PRKAA1: variants seen among roughly 807,000 people sequenced by gnomAD.
PRKAA1 encodes the protein protein kinase AMP-activated catalytic subunit alpha 1, also known as 5'-AMP-activated protein kinase catalytic subunit alpha-1.
In PRKAA1, 23 loss-of-function variants were observed where a neutral mutation model predicts 56.9. The observed-to-expected ratio is 0.40, with a 90% CI of 0.29 to 0.57. PRKAA1 has a LOEUF of 0.57. PRKAA1 is among the 20% of genes least tolerant of loss of function. The pLI is 0.39. For missense variants in PRKAA1, 413 were observed against 679.7 expected (o/e 0.61, Z 4.36); for synonymous variants, 226 against 227.0 (o/e 1.00, Z 0.04).
chr5:40,769,878 TA>T (rs3071208), intron 4 of PRKAA1, among the ~76,000 whole-genome samples: 7,725 of 109,832 alleles, frequency 0.07, 187 homozygotes, highest in Non-Finnish European at 0.087. Flanking sequence ...TCTGATTCTT[TA>T]AAAAAAAAAA....
chr5:40,776,336 G>A (rs1311438645), intron 2 of PRKAA1, among the ~76,000 whole-genome samples: 1 of 152,256 alleles, frequency 6.6e-6, no homozygotes, highest in African/African-American at 2.4e-5. Context: ...TGAAAACTGT[G>A]GGAAGAGCAG....
At chr5:40,777,661 C>T in intron 1 of PRKAA1, 75 bp from the exon 2 acceptor site, 3 of 1,386,340 alleles carry the variant, frequency 2.2e-6, no homozygotes, top group Non-Finnish European at 2.9e-6. Flanking sequence ...TGGCCCGGTG[C>T]AGTGGCTCAT....
intron 3 of PRKAA1, among the ~76,000 whole-genome samples, chr5:40,774,697 T>C (rs1353200027): frequency 6.6e-6 from 1 of 152,006 alleles, no homozygotes; most frequent in Non-Finnish European, 1.5e-5. Context: ...ACATGCTATA[T>C]AGAACAAATG....
In PRKAA1 at chr5:40,767,053, T is replaced by C. The variant is rs140534203; in HGVS notation, c.821+413A>G. On this transcript the variant is annotated intron_variant, in intron 6 of 8. Coordinates refer to ENST00000397128, the MANE Select transcript of PRKAA1 (RefSeq NM_006251.6). ...AATAAATAAAAATAAAAGATATACA[T>C]ATATATGGGGCCTCGCTATGTTACC... Among the ~76,000 whole-genome samples, 636 of 151,984 alleles carry C rather than the reference T, an allele frequency of 4.2e-3. 4 individuals are homozygous for C. Among genetic ancestry groups the C allele is most frequent in the African/African-American group, 0.015 (610 of 41,482 alleles).
At chr5:40,777,340 GAAA>G in intron 2 of PRKAA1, 102 bp downstream of exon 2, 1 of 1,314,000 alleles carries the variant, frequency 7.6e-7, no homozygotes, top group Admixed American at 2.2e-5. Context: ...AAACCCTTAG[GAAA>G]CAAAAAGAAG....
rs1743958609 is a variant in PRKAA1, at chr5:40,775,481, A to T, written c.292T>A (p.Ser98Thr). 1 of 1,604,784 alleles carries T rather than the reference A, an allele frequency of 6.2e-7. No individual in the cohort carries two copies. Among genetic ancestry groups the T allele is most frequent in the Admixed American group, 1.7e-5 (1 of 59,994 alleles). ...IKLYQVISTP[S>T]DIFMVMEYVS... Reference sequence around the variant, plus strand: ...TATTCCATCACCATGAAAATATCAGATGGTGTACTGATGACCTGGTACCTG... The same window carrying T: ...TATTCCATCACCATGAAAATATCAGTTGGTGTACTGATGACCTGGTACCTG... The change falls in exon 3 of 9, where the codon TCT (serine) becomes ACT (threonine). Residue 98 changes from serine to threonine, a missense_variant. By Grantham distance (58) the Ser-to-Thr change is moderately conservative (BLOSUM62 1). Coordinates refer to ENST00000397128, the MANE Select transcript of PRKAA1 (RefSeq NM_006251.6).
intron 5 of PRKAA1, chr5:40,768,533 TA>T (rs1056117140): frequency 1.8e-5 from 18 of 974,720 alleles, no homozygotes; most frequent in African/African-American, 1.0e-4. Context: ...AGTTAATATT[TA>T]AAAAAAAGAT....
chr5:40,777,300 AC>A, intron 2 of PRKAA1, 144 bp downstream of exon 2: 1 of 853,944 alleles, frequency 1.2e-6, no homozygotes, highest in Non-Finnish European at 1.8e-6. Flanking sequence ...GGTGTGAGCC[AC>A]CGCACACAGC....
At position 40,765,210 on chromosome 5, in the gene PRKAA1, G is replaced by A. The variant is rs1561166883; in HGVS notation, c.850C>T (p.Pro284Ser). 3 of 1,613,716 alleles carry A rather than the reference G, an allele frequency of 1.9e-6. No homozygotes were observed. Among genetic ancestry groups the A allele is most frequent in the Non-Finnish European group, 2.5e-6 (3 of 1,179,740 alleles). ...REHEWFKQDL[P>S]KYLFPEDPSY... ...GGATCCTCAGGAAAGAGATATTTTG[G>A]AAGGTCCTGTTTAAACCATTCATGT... Residue 284 changes from proline to serine, a missense_variant, in exon 7 of 9, where the codon CCA becomes TCA. Transcript: ENST00000397128.
rs1303999528 is a variant in PRKAA1 at position 40,760,136 on chromosome 5, T to TA, written c.*2641dup. 1 of 152,752 alleles carries TA rather than the reference T, an allele frequency of 6.5e-6. No homozygotes were observed. Among genetic ancestry groups the TA allele is most frequent in the Non-Finnish European group, 1.5e-5 (1 of 68,024 alleles). The allele number at this position is 152,752 out of a possible 1,614,324, so 9.5% of individuals were successfully genotyped here. A position where few individuals can be genotyped will look rare whatever the true frequency, so the allele number is the denominator to read the frequency against. ...TAAAAATCATTTGCATTGCCTCCCT[T>TA]ACCTCTTCAATATTAGTAACAATTT... On this transcript the variant is annotated 3_prime_UTR_variant, in exon 9 of 9. Transcript: ENST00000397128.
chr5:40,773,067 C>T (rs1743823176), intron 3 of PRKAA1, among the ~76,000 whole-genome samples: 1 of 152,166 alleles, frequency 6.6e-6, no homozygotes. Flanking sequence ...ATCCTCTAGG[C>T]GAAGGACTCC....
chr5:40,787,539 T>C (rs1296745713), intron 1 of PRKAA1, among the ~76,000 whole-genome samples: 1 of 152,046 alleles, frequency 6.6e-6, no homozygotes, highest in Non-Finnish European at 1.5e-5. Flanking sequence ...TTTTTAAATG[T>C]ATATCGTGAC....
chr5:40,785,833 CACACACAGAGAGAGAG>C (rs1561184332), intron 1 of PRKAA1, among the ~76,000 whole-genome samples: 1 of 57,748 alleles, frequency 1.7e-5, no homozygotes, highest in Non-Finnish European at 3.6e-5. Flanking sequence ...CACACACACA[CACACACAGAGAGAGAG>C]AGAGAGAGAG....
chr5:40,764,996 G>A lies in PRKAA1; in HGVS notation c.1064C>T (p.Thr355Ile). 6.2e-7 allele frequency: 1 copy of A among 1,614,184 alleles called. No individual in the cohort carries two copies. Residue 355 changes from threonine (T) to isoleucine (I), a missense_variant, in exon 7 of 9, where the codon ACA (threonine) becomes ATA (isoleucine). Coordinates refer to ENST00000397128, the MANE Select transcript of PRKAA1 (RefSeq NM_006251.6). ...ATCAAGAAAAGAATCAGGTGGGCTT[G>A]TCGCCAAATAGAAATCTTTGGCTTC... ...MNEAKDFYLA[T>I]SPPDSFLDDH...
At chr5:40,770,162 T>G (rs541522626) in intron 4 of PRKAA1, among the ~76,000 whole-genome samples, 42 of 152,144 alleles carry the variant, frequency 2.8e-4, no homozygotes, top group South Asian at 6.2e-4. Flanking sequence ...GAGGAAAATT[T>G]TTATAAGAAT....
chr5:40,782,846 G>GC (rs1309529580), intron 1 of PRKAA1, among the ~76,000 whole-genome samples: 3 of 152,016 alleles, frequency 2.0e-5, no homozygotes, highest in Non-Finnish European at 4.4e-5. Flanking sequence ...AATAACAGAA[G>GC]CCCCCCAACC....
chr5:40,777,667 C>T (rs1336869089), intron 1 of PRKAA1, 81 bp from the exon 2 acceptor site: 3 of 1,337,586 alleles, frequency 2.2e-6, no homozygotes, highest in Non-Finnish European at 3.1e-6. Flanking sequence ...GGTGCAGTGG[C>T]TCATGCCTGT....
Position 40,761,567 on chromosome 5 carries a change from T to G in PRKAA1, c.*1211A>C, listed in dbSNP as rs1743190299. On this transcript the variant is annotated 3_prime_UTR_variant, in exon 9 of 9. Transcript: ENST00000397128. ...GATATACATGTGCTTACCAAACAGTTTTTCAATTTTTCTGTTTTTAAAAAT... is the reference window on the plus strand; with the variant it reads ...GATATACATGTGCTTACCAAACAGTGTTTCAATTTTTCTGTTTTTAAAAAT... The G allele has an allele frequency of 6.6e-6, 1 of 152,198 alleles. No individual in the cohort carries two copies. Among genetic ancestry groups the G allele is most frequent in the African/African-American group, 2.4e-5 (1 of 41,464 alleles). The allele number at this position is 152,198 out of a possible 1,614,324, so 9.4% of individuals were successfully genotyped here.
At chr5:40,795,437 A>T (rs1362715415) in intron 1 of PRKAA1, among the ~76,000 whole-genome samples, 1 of 151,988 alleles carries the variant, frequency 6.6e-6, no homozygotes, top group African/African-American at 2.4e-5. Flanking sequence ...TCTCCCACCC[A>T]CCCACCTCTG....
Sources: allele counts gnomAD v4.1 joint callset (sites outside exome capture counted in the v4.1 genomes callset), GRCh38; gene constraint gnomAD v4.1.1; transcripts MANE v1.5; gene names NCBI Gene and HGNC (gene_info 2026-07-23, HGNC 2026-07-21).